The following SIPA1L1 variants were observed in gnomAD, a reference collection of about 807,000 sequenced individuals.
SIPA1L1 encodes the protein signal induced proliferation associated 1 like 1.
Under a neutral mutation model 162.7 loss-of-function variants are expected in SIPA1L1, and 26 were observed. That is an observed-to-expected ratio of 0.16 (90% CI 0.12 to 0.22). The LOEUF is 0.22. Among genes scored for constraint, SIPA1L1 ranks in the 10% least tolerant of loss-of-function variants. The pLI is 1.00. For synonymous variants in SIPA1L1, 829 were observed against 837.4 expected (o/e 0.99, Z 0.17); for missense variants, 1,874 against 2,241.0 (o/e 0.84, Z 3.31).
At chr14:71,713,676 T>C (rs1435060217) in intron 17 of SIPA1L1, among the ~76,000 whole-genome samples, 2 of 152,230 alleles carry the variant, frequency 1.3e-5, no homozygotes, top group African/African-American at 2.4e-5. Context: ...AGGCTTCTTA[T>C]GTGTGGTTTA....
At chr14:71,610,388 C>T (rs1210680951) in intron 5 of SIPA1L1, among the ~76,000 whole-genome samples, 3 of 152,146 alleles carry the variant, frequency 2.0e-5, no homozygotes, top group Admixed American at 6.5e-5. Flanking sequence ...CCAAATTGCT[C>T]TTAAGAAAGC....
intron 15 of SIPA1L1, among the ~76,000 whole-genome samples, chr14:71,703,536 T>C (rs2082236186): frequency 6.6e-6 from 1 of 152,188 alleles, no homozygotes; most frequent in Non-Finnish European, 1.5e-5. Context: ...ATTGAAGCCA[T>C]CTGTCATTCT....
At chr14:71,426,111 C>A (rs2043540377) in intron 2 of SIPA1L1, among the ~76,000 whole-genome samples, 1 of 152,152 alleles carries the variant, frequency 6.6e-6, no homozygotes, top group African/African-American at 2.4e-5. Context: ...TTGTAGATAG[C>A]ATATAGTTGG....
At chr14:71,671,872 T>C (rs1233700122) in intron 11 of SIPA1L1, among the ~76,000 whole-genome samples, 180 bp downstream of exon 11, 2 of 150,824 alleles carry the variant, frequency 1.3e-5, no homozygotes, top group Admixed American at 6.6e-5. Flanking sequence ...TTCGGAAAAG[T>C]AGAACAAATT....
intron 2 of SIPA1L1, among the ~76,000 whole-genome samples, chr14:71,414,804 C>A (rs531202765): frequency 6.6e-6 from 1 of 152,220 alleles, no homozygotes; most frequent in Non-Finnish European, 1.5e-5. Context: ...TACCCTTTGA[C>A]TGACGTATAC....
At chr14:71,461,854 A>G (rs1480997397) in intron 2 of SIPA1L1, among the ~76,000 whole-genome samples, 1 of 152,140 alleles carries the variant, frequency 6.6e-6, no homozygotes, top group African/African-American at 2.4e-5. Flanking sequence ...ACCATCTGTG[A>G]ACAGGCCCTA....
chr14:71,525,299 C>T (rs909869082), intron 3 of SIPA1L1, among the ~76,000 whole-genome samples: 11 of 152,072 alleles, frequency 7.2e-5, no homozygotes, highest in Admixed American at 2.0e-4. Context: ...TCTCCTGCCT[C>T]AGCCCCCTGA....
At chr14:71,675,017 GATGTGCT>G (rs1424212347) in intron 12 of SIPA1L1, among the ~76,000 whole-genome samples, 3 of 152,230 alleles carry the variant, frequency 2.0e-5, no homozygotes, top group Non-Finnish European at 4.4e-5. Flanking sequence ...AATCAGCAGT[GATGTGCT>G]GGTGAGTTGG....
intron 4 of SIPA1L1, among the ~76,000 whole-genome samples, chr14:71,583,341 C>T (rs1276487514): frequency 6.6e-6 from 1 of 152,134 alleles, no homozygotes; most frequent in Non-Finnish European, 1.5e-5. Context: ...ATTATTGGGG[C>T]ATTTGAATAG....
intron 4 of SIPA1L1, among the ~76,000 whole-genome samples, chr14:71,536,351 T>C (rs2145578813): frequency 6.6e-6 from 1 of 152,348 alleles, no homozygotes; most frequent in East Asian, 1.9e-4. Context: ...ACAGAAGCTT[T>C]CTCTATGAGC....
At chr14:71,448,934 G>A (rs1360702100) in intron 2 of SIPA1L1, 1 of 152,216 alleles carries the variant, frequency 6.6e-6, no homozygotes, top group Non-Finnish European at 1.5e-5. Context: ...CTCCAGCCTG[G>A]GCAACATAGC....
chr14:71,321,054 C>G (rs897723626), intron 1 of SIPA1L1, 68 bp from the exon 2 acceptor site: 1 of 152,184 alleles, frequency 6.6e-6, no homozygotes, highest in South Asian at 2.1e-4. Context: ...CCGGCCTCGC[C>G]GCTCTCCGCA....
At chr14:71,552,437 G>T (rs1239773033) in intron 4 of SIPA1L1, among the ~76,000 whole-genome samples, 14 of 150,692 alleles carry the variant, frequency 9.3e-5, no homozygotes, top group African/African-American at 3.4e-4. Context: ...TTTAGCCCAG[G>T]CCGGATTGCA....
chr14:71,739,303 A>G lies in SIPA1L1; in HGVS notation c.*142A>G. On this transcript the variant is annotated 3_prime_UTR_variant, in exon 24 of 24. Coordinates refer to ENST00000381232, the MANE Select transcript of SIPA1L1 (RefSeq NM_001386936.1). ...CCCCCTTTCGGGGAGTGCACAACAC[A>G]ATAGTTGCAGATCAACAATCATCAC... 2 of 592,872 alleles carry G rather than the reference A, an allele frequency of 3.4e-6. No homozygotes were observed. The highest frequency in any genetic ancestry group is 1.9e-5 in the African/African-American group (1 of 53,730). The allele number at this position is 592,872 out of a possible 1,614,324, so 36.7% of individuals were successfully genotyped here.
intron 19 of SIPA1L1, 100 bp from the exon 20 acceptor site, chr14:71,729,955 G>GTC: frequency 2.3e-6 from 3 of 1,312,480 alleles, no homozygotes; most frequent in Non-Finnish European, 3.2e-6. Flanking sequence ...CTAGGGGTGT[G>GTC]TCTGGAGCAG....
chr14:71,409,799 T>C (rs1024859002), intron 2 of SIPA1L1, among the ~76,000 whole-genome samples: 2 of 152,242 alleles, frequency 1.3e-5, no homozygotes, highest in Admixed American at 1.3e-4. Flanking sequence ...TTATCTGTAG[T>C]GTTCTTGCAA....
intron 2 of SIPA1L1, among the ~76,000 whole-genome samples, chr14:71,386,275 G>A (rs1421073480): frequency 6.6e-6 from 1 of 152,220 alleles, no homozygotes. Flanking sequence ...ATGTTGGAGA[G>A]CAGGAGACAT....
At chr14:71,343,887 T>A (rs906426887) in intron 2 of SIPA1L1, among the ~76,000 whole-genome samples, 2 of 152,172 alleles carry the variant, frequency 1.3e-5, no homozygotes, top group African/African-American at 2.4e-5. Flanking sequence ...CTTGATGAGG[T>A]GGTAATTGGC....
chr14:71,676,829 G>C (rs2045253416), intron 12 of SIPA1L1, among the ~76,000 whole-genome samples: 1 of 151,990 alleles, frequency 6.6e-6, no homozygotes, highest in Non-Finnish European at 1.5e-5. Context: ...CGGCTGCATA[G>C]TATTCCATGG....
Sources: gnomAD v4.1 joint callset for allele counts (sites outside exome capture counted in the v4.1 genomes callset) on GRCh38, gnomAD v4.1.1 for gene constraint, MANE v1.5 for transcripts, NCBI Gene and HGNC (gene_info 2026-07-23, HGNC 2026-07-21) for gene names.